The following MYH16 variants were observed in gnomAD, a reference collection of about 807,000 sequenced individuals.
MYH16 encodes the protein myosin heavy chain 16, also known as putative uncharacterized protein MYH16.
downstream of MYH16, among the ~76,000 whole-genome samples, chr7:99,309,405 G>A (rs2150842771): frequency 6.6e-6 from 1 of 152,310 alleles, no homozygotes; most frequent in South Asian, 2.1e-4. Context: ...ACTTTGATGT[G>A]AAGCTGAGCT....
chr7:99,262,651 A>C (rs1297878869), intron 13 of MYH16, among the ~76,000 whole-genome samples: 1 of 152,194 alleles, frequency 6.6e-6, no homozygotes, highest in Non-Finnish European at 1.5e-5. Context: ...CTCTGTGCTC[A>C]GTGGAGGGAC....
At chr7:99,277,590 G>A (rs1357826467) in exon 21 of MYH16, 1 of 456,920 alleles carries the variant, frequency 2.2e-6, no homozygotes, top group African/African-American at 2.0e-5. Context: ...GAAGGCCAAG[G>A]AGGAGGAGCT....
chr7:99,241,673 T>C (rs1279047106), intron 1 of MYH16, among the ~76,000 whole-genome samples: 1 of 152,164 alleles, frequency 6.6e-6, no homozygotes, highest in East Asian at 1.9e-4. Context: ...GGGTGGATTT[T>C]CCAGAACTGT....
At chr7:99,287,533 CAAAAAAA>C (rs397889162) in intron 28 of MYH16, among the ~76,000 whole-genome samples, 1,456 of 46,898 alleles carry the variant, frequency 0.031, 25 homozygotes, top group African/African-American at 0.093. Flanking sequence ...AACTTCTTCT[CAAAAAAA>C]AAAAAAAAAA....
intron 20 of MYH16, among the ~76,000 whole-genome samples, chr7:99,274,566 T>C (rs115006349): frequency 0.016 from 2,481 of 152,224 alleles, 74 homozygotes; most frequent in African/African-American, 0.056. Flanking sequence ...GGACCTGGGA[T>C]TGGAGAGGAA....
chr7:99,264,564 T>C (rs535686717), intron 15 of MYH16, among the ~76,000 whole-genome samples: 1 of 152,336 alleles, frequency 6.6e-6, no homozygotes, highest in African/African-American at 2.4e-5. Context: ...GCTTGTGTCC[T>C]AGAGTTGGCT....
At chr7:99,258,620 G>A (rs1202258815) in intron 11 of MYH16, among the ~76,000 whole-genome samples, 1 of 152,156 alleles carries the variant, frequency 6.6e-6, no homozygotes, top group Non-Finnish European at 1.5e-5. Flanking sequence ...GATGGGATGA[G>A]TGGTGTGCTG....
intron 38 of MYH16, among the ~76,000 whole-genome samples, 184 bp from the exon 20 acceptor site, chr7:99,302,881 T>TAAA (rs1219533053): frequency 9.5e-6 from 1 of 105,414 alleles, no homozygotes; most frequent in Non-Finnish European, 2.0e-5. Context: ...AGATCCTGCC[T>TAAA]AAAAAAAAAA....
At chr7:99,293,158 G>A (rs1162910769) in intron 32 of MYH16, among the ~76,000 whole-genome samples, 1 of 152,032 alleles carries the variant, frequency 6.6e-6, no homozygotes, top group Non-Finnish European at 1.5e-5. Context: ...CAAAGAACAT[G>A]GTCAACTTAA....
intron 15 of MYH16, chr7:99,264,426 G>T (rs867540453): frequency 6.6e-6 from 1 of 152,584 alleles, no homozygotes; most frequent in Non-Finnish European, 1.5e-5. Flanking sequence ...ACCTGGAGGG[G>T]TCTGTTTCCT....
intron 12 of MYH16, chr7:99,260,417 C>A: frequency 1.7e-6 from 1 of 602,312 alleles, no homozygotes; most frequent in Non-Finnish European, 3.0e-6. Flanking sequence ...TGGCACTTGG[C>A]TTCAGGGGAG....
At chr7:99,308,969 T>C (rs73709635), downstream of MYH16, among the ~76,000 whole-genome samples, 634 of 152,272 alleles carry the variant, frequency 4.2e-3, 3 homozygotes, top group African/African-American at 0.014. Flanking sequence ...GCTAAGTGCA[T>C]GGAAAATGCT....
chr7:99,243,039 G>A (rs557126698), intron 1 of MYH16, among the ~76,000 whole-genome samples: 2 of 152,308 alleles, frequency 1.3e-5, no homozygotes, highest in East Asian at 3.9e-4. Context: ...AATTCTCCCA[G>A]CAACCTGCCA....
In MYH16 at chr7:99,250,474, C is replaced by T. The variant is rs568566338; in HGVS notation, n.636+399C>T. Among the ~76,000 whole-genome samples the T allele has an allele frequency of 2.0e-5, 3 of 152,308 alleles. No individual in the cohort carries two copies. In the East Asian group the frequency reaches 5.8e-4, roughly 29 times the overall value. ...GGCTGACAGCGGCCAGGCGCAGTGG[C>T]TCATGCCTATAATCCCAGTACTCTG... On this transcript the variant is annotated intron_variant and non_coding_transcript_variant, in intron 5 of 41. Transcript: ENST00000439784.
chr7:99,273,535 G>C (rs1792072991), intron 20 of MYH16, 112 bp downstream of exon 2: 1 of 407,582 alleles, frequency 2.5e-6, no homozygotes, highest in Non-Finnish European at 4.9e-6. Context: ...AGAACAGTTT[G>C]AAAATGAGGG....
At chr7:99,277,878 CGTGTGTGTGTGTGTGT>C (rs61634087) in intron 21 of MYH16, among the ~76,000 whole-genome samples, 166 bp downstream of exon 3, 49 of 121,808 alleles carry the variant, frequency 4.0e-4, no homozygotes, top group Non-Finnish European at 4.8e-4. Context: ...CCATCCAATT[CGTGTGTGTGTGTGTGT>C]GTGTGTGTGT....
chr7:99,305,097 G>A lies in MYH16; in HGVS notation n.5434+341G>A, dbSNP rs140636305. ...CCAGCTACTCAGGAGGCTGAGTTGGGAGGATTGCTTGAGCCCAGGAGGTTG... is the reference window on the plus strand; with the variant it reads ...CCAGCTACTCAGGAGGCTGAGTTGGAAGGATTGCTTGAGCCCAGGAGGTTG... On this transcript the variant is annotated intron_variant and non_coding_transcript_variant, in intron 40 of 41. Coordinates refer to ENST00000439784, the Ensembl canonical transcript of MYH16. Among the ~76,000 whole-genome samples, 480 of 152,234 alleles carry A rather than the reference G, an allele frequency of 3.2e-3. 3 individuals carry two copies. Among genetic ancestry groups the A allele is most frequent in the African/African-American group, 0.011 (457 of 41,526 alleles).
Position 99,279,848 on chromosome 7 carries a change from C to A in MYH16, n.2887+111C>A, listed in dbSNP as rs552217599. On this transcript the variant is annotated intron_variant and non_coding_transcript_variant, in intron 22 of 41. Coordinates refer to ENST00000439784, the Ensembl canonical transcript of MYH16. ...TGCCCTGACCACTGACCACATGGGG[C>A]AGTTTTTTGGGGGTTTTTTTTTGTT... 6.3e-5 allele frequency: 23 copies of A among 363,016 alleles called. No homozygotes were observed. In the East Asian group the frequency reaches 1.7e-3, roughly 27 times the overall value. 22.5% of individuals were successfully genotyped at this position (363,016 alleles called of 1,614,324 possible). A position where few individuals can be genotyped will look rare whatever the true frequency, so the allele number is the denominator to read the frequency against.
intron 2 of MYH16, among the ~76,000 whole-genome samples, chr7:99,247,133 C>T (rs1791742090): frequency 6.6e-6 from 1 of 152,126 alleles, no homozygotes; most frequent in South Asian, 2.1e-4. Context: ...AACACAGACT[C>T]AGATAGTCAT....
Sources: gnomAD v4.1 joint callset for allele counts (sites outside exome capture counted in the v4.1 genomes callset) on GRCh38, gnomAD v4.1.1 for gene constraint, MANE v1.5 for transcripts, NCBI Gene and HGNC (gene_info 2026-07-23, HGNC 2026-07-21) for gene names.